Variants in KIF13A observed in about 807,000 individuals in gnomAD.
KIF13A encodes kinesin-like protein KIF13A.
Under a neutral mutation model 212.2 loss-of-function variants are expected in KIF13A, and 79 were observed. The observed-to-expected ratio is 0.37, with a 90% CI of 0.31 to 0.45. KIF13A has a LOEUF of 0.45. Ranked by LOEUF, KIF13A falls within the 20% of genes least tolerant of loss-of-function variation. The probability of loss-of-function intolerance (pLI) is 1.00; values close to 1 mark genes in which losing one functional copy is unlikely to be tolerated. For synonymous variants in KIF13A, 789 were observed against 808.6 expected (o/e 0.98, Z 0.41); for missense variants, 1,901 against 2,209.0 (o/e 0.86, Z 2.79).
At chr6:17,779,171 C>G (rs1163545704) in intron 32 of KIF13A, 72 bp from the exon 33 acceptor site, 10 of 1,325,846 alleles carry the variant, frequency 7.5e-6, no homozygotes, top group African/African-American at 1.5e-5. Flanking sequence ...GGTGAGAAAA[C>G]GTTTTAGAAG....
At chr6:17,893,303 T>C (rs1263718882) in intron 3 of KIF13A, among the ~76,000 whole-genome samples, 1 of 152,250 alleles carries the variant, frequency 6.6e-6, no homozygotes, top group Admixed American at 6.5e-5. Context: ...CACATCTGTC[T>C]ACAATCAAAT....
intron 2 of KIF13A, among the ~76,000 whole-genome samples, chr6:17,929,806 T>C (rs1217364440): frequency 6.6e-6 from 1 of 152,202 alleles, no homozygotes; most frequent in Non-Finnish European, 1.5e-5. Context: ...CCTCCCAAAG[T>C]GTTGGGGTTA....
chr6:17,899,896 T>A lies in KIF13A; in HGVS notation c.147-1716A>T, dbSNP rs1282691855. Among the ~76,000 whole-genome samples, 1 of 152,204 alleles carries A rather than the reference T, an allele frequency of 6.6e-6. No homozygotes were observed. Among genetic ancestry groups the A allele is most frequent in the Non-Finnish European group, 1.5e-5 (1 of 68,034 alleles). Reference sequence around the variant, plus strand: ...CCATTCTGTACAAAAAACTTGAGATTTCTGCCATGAAAATTTCCTTAAGTG... The same window carrying A: ...CCATTCTGTACAAAAAACTTGAGATATCTGCCATGAAAATTTCCTTAAGTG... On this transcript the variant is annotated intron_variant, in intron 2 of 38. Transcript: ENST00000259711. This position sits in a 1 kb window ranked among gnomAD's most constrained non-coding sequence, Gnocchi z 5.2.
intron 32 of KIF13A, 150 bp from the exon 33 acceptor site, chr6:17,779,249 ATATATATAT>A (rs1438016330): frequency 8.7e-5 from 2 of 22,870 alleles, no homozygotes; most frequent in Non-Finnish European, 2.6e-4. Context: ...ATATATATAT[ATATATATAT>A]TTTTTTTTTT....
chr6:17,905,559 T>G (rs1051655825), intron 2 of KIF13A, among the ~76,000 whole-genome samples: 1 of 152,214 alleles, frequency 6.6e-6, no homozygotes, highest in African/African-American at 2.4e-5. Flanking sequence ...AACTGATTTT[T>G]TATACATATA....
intron 3 of KIF13A, among the ~76,000 whole-genome samples, chr6:17,889,194 T>C (rs1165193273): frequency 6.6e-6 from 1 of 152,236 alleles, no homozygotes; most frequent in Non-Finnish European, 1.5e-5. Flanking sequence ...CCTTACTTTT[T>C]CTGAGCAATT....
intron 3 of KIF13A, among the ~76,000 whole-genome samples, chr6:17,894,781 T>A (rs1772412650): frequency 6.6e-6 from 1 of 152,204 alleles, no homozygotes; most frequent in Non-Finnish European, 1.5e-5. Flanking sequence ...CATTACAGTA[T>A]CACACAGTAC....
intron 17 of KIF13A, among the ~76,000 whole-genome samples, chr6:17,815,303 C>CAATT (rs1554170473): frequency 6.6e-6 from 1 of 151,990 alleles, no homozygotes; most frequent in Non-Finnish European, 1.5e-5. Context: ...CACAGGGAGA[C>CAATT]AGGCCTCTGG....
chr6:17,796,541 T>G, intron 23 of KIF13A, 128 bp downstream of exon 23: 480 of 577,598 alleles, frequency 8.3e-4, no homozygotes, highest in East Asian at 1.6e-3. Context: ...CACCTGGCCA[T>G]TCTTTTTTTT....
At position 17,785,481 on chromosome 6, in the gene KIF13A, C is replaced by T. The variant is rs1760976979; in HGVS notation, c.3488+34G>A. ...TTGCCACAGGCGACCTGTACCATCT[C>T]CCCAGGTCTGCACAGAAGGGAGGGC... On this transcript the variant is annotated intron_variant, in intron 28 of 38. Transcript: ENST00000259711. This position sits in a 1 kb window ranked among gnomAD's most constrained non-coding sequence, Gnocchi z 5.8. 4 of 1,497,552 alleles carry T rather than the reference C, an allele frequency of 2.7e-6. No individual in the cohort carries two copies. Among genetic ancestry groups the T allele is most frequent in the Non-Finnish European group, 2.7e-6 (3 of 1,128,086 alleles). 92.8% of individuals were successfully genotyped at this position (1,497,552 alleles called of 1,614,324 possible). A position where few individuals can be genotyped will look rare whatever the true frequency, so the allele number is the denominator to read the frequency against.
chr6:17,853,503 AGAAACTCCTGCACCTACCTATACAGCAG>A (rs1359483029), intron 6 of KIF13A, among the ~76,000 whole-genome samples: 1 of 152,198 alleles, frequency 6.6e-6, no homozygotes, highest in African/African-American at 2.4e-5. Flanking sequence ...TGTGTTACCT[AGAAACTCCTGCACCTACCTATACAGCAG>A]GAAACCTGTA....
intron 2 of KIF13A, among the ~76,000 whole-genome samples, chr6:17,929,059 C>CAAAAAAAAAAAAAAAAAAAA (rs375511285): frequency 2.7e-5 from 1 of 36,680 alleles, no homozygotes; most frequent in Non-Finnish European, 6.6e-5. Flanking sequence ...AAGAATTTCT[C>CAAAAAAAAAAAAAAAAAAAA]AAAAAAAAAA....
chr6:17,917,660 T>A (rs1434305602), intron 2 of KIF13A, among the ~76,000 whole-genome samples: 1 of 152,172 alleles, frequency 6.6e-6, no homozygotes, highest in Non-Finnish European at 1.5e-5. Flanking sequence ...AAGGCAAAAC[T>A]AGGATTAAAA....
chr6:17,801,492 A>C (rs554705540), intron 20 of KIF13A, among the ~76,000 whole-genome samples: 1 of 152,250 alleles, frequency 6.6e-6, no homozygotes, highest in South Asian at 2.1e-4. Context: ...ACAGAGTGAG[A>C]CTCGGTCTCA....
chr6:17,762,915 G>A (rs559073881), downstream of KIF13A, among the ~76,000 whole-genome samples: 2 of 152,300 alleles, frequency 1.3e-5, no homozygotes, highest in African/African-American at 4.8e-5. Flanking sequence ...CCACATCAAT[G>A]GAGTAACTTG....
At chr6:17,975,034 T>C (rs1481292662) in intron 2 of KIF13A, among the ~76,000 whole-genome samples, 2 of 152,170 alleles carry the variant, frequency 1.3e-5, no homozygotes, top group South Asian at 2.1e-4. Flanking sequence ...AGCCATCACC[T>C]GGGAACTTGT....
chr6:17,974,047 T>A (rs1780052651), intron 2 of KIF13A, among the ~76,000 whole-genome samples: 1 of 152,190 alleles, frequency 6.6e-6, no homozygotes, highest in Non-Finnish European at 1.5e-5. Flanking sequence ...ATTAAATACA[T>A]CTGTTTAGAG....
intron 4 of KIF13A, among the ~76,000 whole-genome samples, chr6:17,865,009 C>A (rs905142304): frequency 6.6e-6 from 1 of 152,086 alleles, no homozygotes; most frequent in Non-Finnish European, 1.5e-5. Flanking sequence ...TGAAGAGGCA[C>A]AGGATAAAAG....
rs1427739678 is a variant in KIF13A, at chr6:17,829,352, G to C, written c.1402-982C>G. ...CCAATACATGCGTGATAAAATGAGA[G>C]AGCAGAGCCAAACAACATGTTCGTG... is the stretch of plus-strand genomic sequence containing the variant. On this transcript the variant is annotated intron_variant, in intron 13 of 38. Coordinates refer to ENST00000259711, the MANE Select transcript of KIF13A (RefSeq NM_022113.6). This position sits in a 1 kb window ranked among gnomAD's most constrained non-coding sequence, Gnocchi z 5.4. 6.6e-6 allele frequency among the ~76,000 whole-genome samples: 1 copy of C among 152,184 alleles called. No individual in the cohort carries two copies. Among genetic ancestry groups the C allele is most frequent in the African/African-American group, 2.4e-5 (1 of 41,434 alleles).
Sources: gnomAD v4.1 joint callset for allele counts (sites outside exome capture counted in the v4.1 genomes callset) on GRCh38, gnomAD v4.1.1 for gene constraint, Gnocchi (gnomAD v3.1) non-coding constraint, MANE v1.5 for transcripts, NCBI Gene and HGNC (gene_info 2026-07-23, HGNC 2026-07-21) for gene names.